PPARA: variants seen among roughly 807,000 people sequenced by gnomAD.
The protein encoded by PPARA is peroxisome proliferator activated receptor alpha, also known as peroxisome proliferator-activated receptor alpha.
A neutral mutation model predicts 42.2 loss-of-function variants in PPARA; 22 were observed. The observed-to-expected ratio is 0.52, with a 90% CI of 0.37 to 0.74. The LOEUF is 0.74. Ranked by LOEUF, PPARA falls within the 30% of genes least tolerant of loss-of-function variation. PPARA has a pLI of 0.00. For synonymous variants in PPARA, 242 were observed against 239.3 expected, an observed-to-expected ratio of 1.01 and a Z score of -0.10; for missense variants, 465 against 608.2, an observed-to-expected ratio of 0.76 and a Z score of 2.48.
At chr22:46,168,236 T>C (rs4253785) in intron 2 of PPARA, among the ~76,000 whole-genome samples, 12,818 of 149,472 alleles carry the variant, frequency 0.086, 774 homozygotes, top group South Asian at 0.14. Flanking sequence ...CCTGTAGTCC[T>C]AGCTACTCGG....
intron 7 of PPARA, among the ~76,000 whole-genome samples, chr22:46,223,538 G>A (rs1400054576): frequency 1.3e-5 from 2 of 151,596 alleles, no homozygotes; most frequent in Non-Finnish European, 2.9e-5. Context: ...AACTACCCAG[G>A]AGGCTGAGGC....
At chr22:46,186,209 AT>A (rs1930781817) in intron 3 of PPARA, among the ~76,000 whole-genome samples, 1 of 151,882 alleles carries the variant, frequency 6.6e-6, no homozygotes, top group African/African-American at 2.4e-5. Flanking sequence ...ACCTTGAGTA[AT>A]TTGCAGCACA....
Position 46,166,508 on chromosome 22 carries a change from C to T in PPARA, c.-126-10245C>T, listed in dbSNP as rs1033600145. On this transcript the variant is annotated intron_variant, in intron 2 of 8. Transcript: ENST00000407236. ...TGGCAGGCGCCTGTAATCCCAGTTA[C>T]TGGGGAGGCTGAGGCAGGAGAATTG... Among the ~76,000 whole-genome samples the T allele has an allele frequency of 3.3e-5, 5 of 151,496 alleles. No individual in the cohort carries two copies. The South Asian group carries it at 1.0e-3, about 31-fold the overall frequency.
chr22:46,203,304 G>A lies in PPARA; in HGVS notation c.208+4713G>A, dbSNP rs2086573637. Among the ~76,000 whole-genome samples, 1 of 152,166 alleles carries A rather than the reference G, an allele frequency of 6.6e-6. No homozygotes were observed. Among genetic ancestry groups the A allele is most frequent in the Non-Finnish European group, 1.5e-5 (1 of 68,046 alleles). On this transcript the variant is annotated intron_variant, in intron 4 of 8. Transcript: ENST00000407236. The surrounding 1 kb of genome is among the most constrained non-coding windows in gnomAD (Gnocchi z 5.8). ...TTATGTAGACTGGTCTCTCAGAAGA[G>A]CCGGATATTAAATGCAGTACTTTAA...
At chr22:46,157,395 T>C (rs907279990) in intron 2 of PPARA, among the ~76,000 whole-genome samples, 1 of 152,066 alleles carries the variant, frequency 6.6e-6, no homozygotes, top group Non-Finnish European at 1.5e-5. Flanking sequence ...AGCGAAATTG[T>C]CCCAGACCTC....
chr22:46,154,970 G>GCATA (rs2147095591), intron 2 of PPARA: 1 of 106,344 alleles, frequency 9.4e-6, no homozygotes, highest in African/African-American at 3.8e-5. Context: ...ACTGCACCCG[G>GCATA]CATAAGTGGT....
In PPARA at chr22:46,171,738, G is replaced by C. The variant is rs1928073633; in HGVS notation, c.-126-5015G>C. On this transcript the variant is annotated intron_variant, in intron 2 of 8. Transcript: ENST00000407236. The surrounding 1 kb of genome is among the most constrained non-coding windows in gnomAD (Gnocchi z 5.0). ...GAGGAGGAGGAGGAGAAAGAGGTCAGGAGGTCCCAGGGGAGAGGCAGGACC... is the reference window on the plus strand; with the variant it reads ...GAGGAGGAGGAGGAGAAAGAGGTCACGAGGTCCCAGGGGAGAGGCAGGACC... Among the ~76,000 whole-genome samples, 1 of 152,204 alleles carries C rather than the reference G, an allele frequency of 6.6e-6. No homozygotes were observed. The highest frequency in any genetic ancestry group is 1.5e-5 in the Non-Finnish European group (1 of 68,034).
Position 46,240,821 on chromosome 22 carries a change from C to G in PPARA, c.*5441C>G, listed in dbSNP as rs1936352092. ...TAGCTGCACTGGAATTTCTTACCAA[C>G]CAAATATTTGCATCGAGCAAAGGGG... On this transcript the variant is annotated 3_prime_UTR_variant, in exon 9 of 9. Coordinates refer to ENST00000407236, the MANE Select transcript of PPARA (RefSeq NM_005036.6). This position sits in a 1 kb window ranked among gnomAD's most constrained non-coding sequence, Gnocchi z 6.0. The G allele has an allele frequency of 6.6e-6, 1 of 152,282 alleles. No individual in the cohort carries two copies. Among genetic ancestry groups the G allele is most frequent in the African/African-American group, 2.4e-5 (1 of 41,460 alleles). The allele number at this position is 152,282 out of a possible 1,614,324, so 9.4% of individuals were successfully genotyped here.
rs987482524 is a variant in PPARA, at chr22:46,183,580, A to G, written c.-43+6744A>G. On this transcript the variant is annotated intron_variant, in intron 3 of 8. Coordinates refer to ENST00000407236, the MANE Select transcript of PPARA (RefSeq NM_005036.6). This position sits in a 1 kb window ranked among gnomAD's most constrained non-coding sequence, Gnocchi z 5.5. ...AACATGGCGAAACCCTGTCTATACAAAAAATAGAAAAATTAGCCAGGCATG... is the reference window on the plus strand; with the variant it reads ...AACATGGCGAAACCCTGTCTATACAGAAAATAGAAAAATTAGCCAGGCATG... 6.6e-6 allele frequency among the ~76,000 whole-genome samples: 1 copy of G among 152,162 alleles called. No individual in the cohort carries two copies. Among genetic ancestry groups the G allele is most frequent in the African/African-American group, 2.4e-5 (1 of 41,440 alleles).
chr22:46,225,262 G>T lies in PPARA; in HGVS notation c.711+5248G>T, dbSNP rs1335169087. Among the ~76,000 whole-genome samples the T allele has an allele frequency of 2.6e-5, 4 of 152,304 alleles. No individual in the cohort carries two copies. In the South Asian group the frequency reaches 8.3e-4, roughly 32 times the overall value. On this transcript the variant is annotated intron_variant, in intron 7 of 8. Transcript: ENST00000407236. This position sits in a 1 kb window ranked among gnomAD's most constrained non-coding sequence, Gnocchi z 4.1. ...AATGGTCAGGGCCCTTGGTGATGGGGAAGGGCGCCTCTGGGGAACTCACTG... is the reference window on the plus strand; with the variant it reads ...AATGGTCAGGGCCCTTGGTGATGGGTAAGGGCGCCTCTGGGGAACTCACTG...
rs1296472259 is a variant in PPARA, at chr22:46,161,181, T to C, written c.-127+9211T>C. Among the ~76,000 whole-genome samples the C allele has an allele frequency of 6.6e-6, 1 of 152,054 alleles. No individual in the cohort carries two copies. Among genetic ancestry groups the C allele is most frequent in the Non-Finnish European group, 1.5e-5 (1 of 68,002 alleles). ...TAAAAAGAGCTCAAAACCTAGGAAG[T>C]GGATGGAGACTCTTTTTGGAATGAA... On this transcript the variant is annotated intron_variant, in intron 2 of 8. Transcript: ENST00000407236. This position sits in a 1 kb window ranked among gnomAD's most constrained non-coding sequence, Gnocchi z 4.8.
At position 46,192,425 on chromosome 22, in the gene PPARA, C is replaced by T. The variant is rs929241419; in HGVS notation, c.-42-5917C>T. 2.5e-4 allele frequency among the ~76,000 whole-genome samples: 38 copies of T among 152,212 alleles called. 1 individual carries two copies. Among genetic ancestry groups the T allele is most frequent in the Admixed American group, 2.5e-3 (38 of 15,274 alleles). ...ACCGTTGGAATCCTTCCAGTGTTTG[C>T]ACCTGCCCTGTGCTCGGGTAACATA... On this transcript the variant is annotated intron_variant, in intron 3 of 8. Transcript: ENST00000407236. This position sits in a 1 kb window ranked among gnomAD's most constrained non-coding sequence, Gnocchi z 4.3.
rs1216033795 is a variant in PPARA, at chr22:46,230,381, A to G, written c.712-1411A>G. 6.6e-6 allele frequency among the ~76,000 whole-genome samples: 1 copy of G among 151,832 alleles called. No homozygotes were observed. The highest frequency in any genetic ancestry group is 6.6e-5 in the Admixed American group (1 of 15,256). ...AGCAAAACTCTGTCTCAAAAAAAAA[A>G]GAAATAACACCTTAGCCCACTGCAT... On this transcript the variant is annotated intron_variant, in intron 7 of 8. Coordinates refer to ENST00000407236, the MANE Select transcript of PPARA (RefSeq NM_005036.6). The surrounding 1 kb of genome is among the most constrained non-coding windows in gnomAD (Gnocchi z 5.0).
Position 46,220,011 on chromosome 22 carries a change from T to C in PPARA, c.708T>C (p.Asn236=), listed in dbSNP as rs1463014495. The change falls in exon 7 of 9, where the codon AAT becomes AAC. Residue 236 remains asparagine, a synonymous_variant. Coordinates refer to ENST00000407236, the MANE Select transcript of PPARA (RefSeq NM_005036.6). ...TCCTCTCAGGAAAGGCCAGTAACAA[T>C]CCAGTAGGTGTTTGCGGCTGTTCTG... The part of the protein sequence containing the change: ...RVILSGKASN[N]PPFVIHDMET... 3.7e-6 allele frequency: 6 copies of C among 1,613,846 alleles called. No homozygotes were observed. Among genetic ancestry groups the C allele is most frequent in the African/African-American group, 1.3e-5 (1 of 74,928 alleles).
rs1644658519 is a variant in PPARA, at chr22:46,203,634, A to C, written c.208+5043A>C. ...GGAGAGCAGTATTGGGCGAAAAGGA[A>C]AAAAGAAAAAAACTCTCAGCAAAGC... is the stretch of plus-strand genomic sequence containing the variant. On this transcript the variant is annotated intron_variant, in intron 4 of 8. Transcript: ENST00000407236. This position sits in a 1 kb window ranked among gnomAD's most constrained non-coding sequence, Gnocchi z 5.8. 1.3e-5 allele frequency among the ~76,000 whole-genome samples: 2 copies of C among 152,220 alleles called. No individual in the cohort carries two copies. The highest frequency in any genetic ancestry group is 4.1e-4 in the South Asian group (2 of 4,832).
chr22:46,223,637 CA>C lies in PPARA; in HGVS notation c.711+3624del, dbSNP rs559735427. Among the ~76,000 whole-genome samples the C allele has an allele frequency of 5.0e-3, 637 of 126,170 alleles. 6 individuals are homozygous for C. Among genetic ancestry groups the C allele is most frequent in the African/African-American group, 0.019 (592 of 31,866 alleles). The allele number at this position is 126,170 out of a possible 152,430, so 82.8% of individuals were successfully genotyped here. On this transcript the variant is annotated intron_variant, in intron 7 of 8. Transcript: ENST00000407236. ...CAGCCTGGGTGACAGAGCGAGACTC[CA>C]TCTCAAAAAAAAAAAAAAAAGAGGG...
intron 2 of PPARA, chr22:46,155,473 C>A (rs941995107): frequency 6.6e-6 from 1 of 152,242 alleles, no homozygotes; most frequent in African/African-American, 2.4e-5. Flanking sequence ...CACCACCACA[C>A]CTGGCTATTT....
chr22:46,228,775 G>A (rs965084646), intron 7 of PPARA, among the ~76,000 whole-genome samples: 1 of 152,070 alleles, frequency 6.6e-6, no homozygotes, highest in Non-Finnish European at 1.5e-5. Context: ...ATTCAACTCA[G>A]TGTTTCTTAT....
chr22:46,159,099 C>T (rs1380370810), intron 2 of PPARA, among the ~76,000 whole-genome samples: 1 of 152,044 alleles, frequency 6.6e-6, no homozygotes, highest in East Asian at 1.9e-4. Flanking sequence ...CCATGTTGGC[C>T]AGGCTGGGTC....
Sources: gnomAD v4.1 joint callset for allele counts (sites outside exome capture counted in the v4.1 genomes callset) on GRCh38, gnomAD v4.1.1 for gene constraint, Gnocchi (gnomAD v3.1) non-coding constraint, MANE v1.5 for transcripts, NCBI Gene and HGNC (gene_info 2026-07-23, HGNC 2026-07-21) for gene names.